ZNF75A: variants seen among roughly 807,000 people sequenced by gnomAD.
ZNF75A encodes the protein zinc finger protein 75A.
In ZNF75A, 36 loss-of-function variants were observed where a neutral mutation model predicts 46.3. The ratio of observed to expected loss-of-function variants is 0.78; its 90% confidence interval spans 0.60 to 1.03. The LOEUF (loss-of-function observed/expected upper bound fraction) is 1.03. Among genes scored for constraint, ZNF75A ranks in the 50% least tolerant of loss-of-function variants. ZNF75A has a pLI of 0.00. For missense variants in ZNF75A, 595 were observed against 551.3 expected, an observed-to-expected ratio of 1.08 and a Z score of -0.79; for synonymous variants, 234 against 189.9, an observed-to-expected ratio of 1.23 and a Z score of -1.91.
At position 3,317,926 on chromosome 16, in the gene ZNF75A, C is replaced by G. The variant is rs1961354577; in HGVS notation, c.*57C>G. On this transcript the variant is annotated 3_prime_UTR_variant, in exon 7 of 7. Coordinates refer to ENST00000669516, the MANE Select transcript of ZNF75A (RefSeq NM_001302109.2). ...GACATTCACCAAATGGAGCTTGGCA[C>G]TAAAATTTATGTAAAAGAAAAATCA... The G allele has an allele frequency of 6.7e-7, 1 of 1,498,748 alleles. No homozygotes were observed. Among genetic ancestry groups the G allele is most frequent in the Admixed American group, 2.4e-5 (1 of 41,974 alleles). 92.8% of individuals were successfully genotyped at this position (1,498,748 alleles called of 1,614,324 possible).
rs58762632 is a variant in ZNF75A at position 3,310,902 on chromosome 16, A to G, written c.409-851A>G. The G allele has an allele frequency of 0.014, 13,565 of 985,304 alleles. 1,412 individuals carry two copies. In the African/African-American group the frequency reaches 0.22, roughly 16 times the overall value. The allele number at this position is 985,304 out of a possible 1,614,324, so 61.0% of individuals were successfully genotyped here. A position where few individuals can be genotyped will look rare whatever the true frequency, so the allele number is the denominator to read the frequency against. ...TCTGCTGACCTCGGGTCTGCTGGGA[A>G]GAATACAGGGCAGGACCTATGTTTG... is the stretch of plus-strand genomic sequence containing the variant. On this transcript the variant is annotated intron_variant, in intron 2 of 6. Transcript: ENST00000669516.
chr16:3,317,985 A>G lies in ZNF75A; in HGVS notation c.*116A>G. 1 of 1,440,844 alleles carries G rather than the reference A, an allele frequency of 6.9e-7. No homozygotes were observed. The highest frequency in any genetic ancestry group is 9.1e-7 in the Non-Finnish European group (1 of 1,103,872). The allele number at this position is 1,440,844 out of a possible 1,614,324, so 89.3% of individuals were successfully genotyped here. ...GAAAAATTTTACATCAGAAAATGGG[A>G]TAAACATACATTTCACAGAAAATAA... is the stretch of plus-strand genomic sequence containing the variant. On this transcript the variant is annotated 3_prime_UTR_variant, in exon 7 of 7. Transcript: ENST00000669516.
At chr16:3,312,641 T>TA in intron 3 of ZNF75A, 36 bp from the exon 4 acceptor site, 1 of 924,426 alleles carries the variant, frequency 1.1e-6, no homozygotes, top group African/African-American at 1.8e-5. Context: ...TGTTTATAGA[T>TA]AAAAGAGATT....
chr16:3,316,094 G>C (rs1263152601), intron 5 of ZNF75A: 1 of 152,232 alleles, frequency 6.6e-6, no homozygotes, highest in Non-Finnish European at 1.5e-5. Flanking sequence ...TACAGGAGCA[G>C]AATCTTAAAT....
chr16:3,313,647 G>A lies in ZNF75A; in HGVS notation c.823+472G>A, dbSNP rs532914673. ...GTCATCTTGAACCAGGCATACATGC[G>A]TAGCTTTTTAACAGGTGCGCCTGCA... is the stretch of plus-strand genomic sequence containing the variant. On this transcript the variant is annotated intron_variant, in intron 5 of 6. Transcript: ENST00000669516. Among the ~76,000 whole-genome samples, 19 of 152,280 alleles carry A rather than the reference G, an allele frequency of 1.2e-4. No individual in the cohort carries two copies. In the South Asian group the frequency reaches 2.7e-3, roughly 22 times the overall value.
chr16:3,316,152 A>T (rs930706507), intron 5 of ZNF75A: 1 of 152,190 alleles, frequency 6.6e-6, no homozygotes, highest in East Asian at 1.9e-4. Flanking sequence ...TCACTCCCTG[A>T]CATTATTTTG....
chr16:3,309,659 G>A (rs1960580243), intron 2 of ZNF75A, among the ~76,000 whole-genome samples: 1 of 151,182 alleles, frequency 6.6e-6, no homozygotes, highest in South Asian at 2.1e-4. Context: ...GGGAGGCTGA[G>A]TCAGGAGAAT....
chr16:3,312,656 C>T, intron 3 of ZNF75A, 21 bp from the exon 4 acceptor site: 2 of 976,076 alleles, frequency 2.0e-6, no homozygotes, highest in Non-Finnish European at 2.5e-6. Context: ...GAGATTTCTT[C>T]TGGCTCTTTT....
At position 3,308,737 on chromosome 16, in the gene ZNF75A, G is replaced by C. The variant is rs1344743934; in HGVS notation, c.309G>C (p.Glu103Asp). 2 of 990,196 alleles carry C rather than the reference G, an allele frequency of 2.0e-6. No individual in the cohort carries two copies. Among genetic ancestry groups the C allele is most frequent in the Non-Finnish European group, 2.4e-6 (2 of 831,940 alleles). The allele number at this position is 990,196 out of a possible 1,614,324, so 61.3% of individuals were successfully genotyped here. ...AGTTCCTGACTATTCTGCCCAGGGA[G>C]ACACAGACCCAGATGCAGAAGCACC... ...LEQFLTILPR[E>D]TQTQMQKHHP... Residue 103 changes from glutamate to aspartate, a missense_variant, in exon 2 of 7, where the codon GAG becomes GAC. Glu to Asp is a conservative substitution (Grantham distance 45). Coordinates refer to ENST00000669516, the MANE Select transcript of ZNF75A (RefSeq NM_001302109.2).
At chr16:3,314,337 C>T (rs1469029151) in intron 5 of ZNF75A, among the ~76,000 whole-genome samples, 4 of 152,198 alleles carry the variant, frequency 2.6e-5, no homozygotes, top group African/African-American at 9.6e-5. Context: ...TTAGTCTTTC[C>T]TGAGCAGACA....
chr16:3,307,251 A>G (rs575939349), intron 1 of ZNF75A: 2 of 152,260 alleles, frequency 1.3e-5, no homozygotes, highest in East Asian at 1.9e-4. Flanking sequence ...GCGCACCGCC[A>G]GTTTTAAATA....
intron 2 of ZNF75A, among the ~76,000 whole-genome samples, chr16:3,310,121 C>A (rs373544900): frequency 3.3e-5 from 5 of 151,790 alleles, no homozygotes; most frequent in African/African-American, 9.7e-5. Context: ...TTAGGCCAGG[C>A]GTGGTGGCTC....
chr16:3,311,908 C>T lies in ZNF75A; in HGVS notation c.564C>T (p.Ser188=), dbSNP rs1960833201. 1 of 989,796 alleles carries T rather than the reference C, an allele frequency of 1.0e-6. No individual in the cohort carries two copies. The highest frequency in any genetic ancestry group is 1.2e-6 in the Non-Finnish European group (1 of 831,662). 61.3% of individuals were successfully genotyped at this position (989,796 alleles called of 1,614,324 possible). Residue 188 remains serine (S), a synonymous_variant, in exon 3 of 7, where the codon AGC becomes AGT. Coordinates refer to ENST00000669516, the MANE Select transcript of ZNF75A (RefSeq NM_001302109.2). ...ACGAGGGTCTGCAAGAACAGCTCAG[C>T]AGGAATACTCATAAAGAGACTGAGC... is the stretch of plus-strand genomic sequence containing the variant. The part of the protein sequence containing the change: ...NTYEGLQEQL[S]RNTHKETEPV...
At chr16:3,310,788 A>C in intron 2 of ZNF75A, 1 of 985,458 alleles carries the variant, frequency 1.0e-6, no homozygotes, top group Non-Finnish European at 1.2e-6. Flanking sequence ...ATAGTAGATG[A>C]AAGTCTCTAC....
At chr16:3,310,075 C>G (rs544549347) in intron 2 of ZNF75A, among the ~76,000 whole-genome samples, 2 of 151,980 alleles carry the variant, frequency 1.3e-5, no homozygotes, top group African/African-American at 4.8e-5. Flanking sequence ...GCCTGGGCAA[C>G]AGAGTGAGAC....
rs1596382579 is a variant in ZNF75A at position 3,305,584 on chromosome 16, G to A, written c.-176G>A. 6.6e-6 allele frequency: 1 copy of A among 152,386 alleles called. No homozygotes were observed. The highest frequency in any genetic ancestry group is 6.5e-5 in the Admixed American group (1 of 15,286). 9.4% of individuals were successfully genotyped at this position (152,386 alleles called of 1,614,324 possible). On this transcript the variant is annotated 5_prime_UTR_variant, in exon 1 of 7. Transcript: ENST00000669516. ...TCAGATCGGCGGCCTTTCGGGCGGT[G>A]GCTTGCGTTTGAGCCTCAGAAAGCG...
intron 2 of ZNF75A, chr16:3,310,826 C>T (rs1298468929): frequency 1.0e-6 from 1 of 985,432 alleles, no homozygotes; most frequent in African/African-American, 1.7e-5. Context: ...TGTTCCTTGG[C>T]TCTGCTGACA....
chr16:3,313,354 G>A (rs1170314009), intron 5 of ZNF75A, among the ~76,000 whole-genome samples, 179 bp downstream of exon 5: 1 of 152,172 alleles, frequency 6.6e-6, no homozygotes, highest in Non-Finnish European at 1.5e-5. Context: ...AAATGTACAT[G>A]CCGATTGCTT....
downstream of ZNF75A, chr16:3,323,017 C>A: frequency 1.3e-6 from 1 of 749,656 alleles, no homozygotes; most frequent in Non-Finnish European, 1.6e-6. Flanking sequence ...ATGAGAGGTA[C>A]TTGCCATGAA....
Sources: gnomAD v4.1 joint callset for allele counts (sites outside exome capture counted in the v4.1 genomes callset) on GRCh38, gnomAD v4.1.1 for gene constraint, MANE v1.5 for transcripts, NCBI Gene and HGNC (gene_info 2026-07-23, HGNC 2026-07-21) for gene names.